SEC31A: variants seen among roughly 807,000 people sequenced by gnomAD.
SEC31A encodes the protein SEC31 homolog A, COPII component.
In SEC31A, 70 loss-of-function variants were observed where a neutral mutation model predicts 151.0. The ratio of observed to expected loss-of-function variants is 0.46; its 90% CI spans 0.38 to 0.57. The LOEUF is 0.57. Ranked by LOEUF, SEC31A falls within the 20% of genes least tolerant of loss-of-function variation. The pLI is 0.00. For synonymous variants in SEC31A, 475 were observed against 505.9 expected, an observed-to-expected ratio of 0.94 and a Z score of 0.82; for missense variants, 1,330 against 1,471.2, an observed-to-expected ratio of 0.90 and a Z score of 1.57.
chr4:82,898,531 G>A (rs1720158598), intron 3 of SEC31A, among the ~76,000 whole-genome samples: 1 of 152,198 alleles, frequency 6.6e-6, no homozygotes, highest in African/African-American at 2.4e-5. Context: ...AATAATGTAG[G>A]AAGCACACTA....
intron 8 of SEC31A, among the ~76,000 whole-genome samples, chr4:82,868,413 A>T (rs1735868218): frequency 6.6e-6 from 1 of 152,024 alleles, no homozygotes; most frequent in South Asian, 2.1e-4. Flanking sequence ...AGGTGGGAGG[A>T]CTGATGGAGC....
chr4:82,887,154 T>C (rs1740916556), intron 1 of SEC31A, among the ~76,000 whole-genome samples: 1 of 152,134 alleles, frequency 6.6e-6, no homozygotes, highest in South Asian at 2.1e-4. Flanking sequence ...TTCAGAATAA[T>C]TTCTAAAAGT....
chr4:82,868,093 C>A (rs1038855253), intron 8 of SEC31A, among the ~76,000 whole-genome samples: 2 of 152,158 alleles, frequency 1.3e-5, no homozygotes, highest in African/African-American at 2.4e-5. Flanking sequence ...CTTTTAATCA[C>A]GAGAGAAAAC....
intron 1 of SEC31A, among the ~76,000 whole-genome samples, chr4:82,885,322 T>A (rs1740433969): frequency 6.6e-6 from 1 of 152,216 alleles, no homozygotes; most frequent in African/African-American, 2.4e-5. Context: ...CTTTGGGTAA[T>A]AATTTTTAAA....
Position 82,863,066 on chromosome 4 carries a change from T to C in SEC31A, c.1509+252A>G, listed in dbSNP as rs1734539015. The stretch of plus-strand genomic sequence containing the variant: ...CAACCTGCAATGCTATAGAAAACTC[T>C]AGCCATTTCCAAAGAATGATGAAAG... On this transcript the variant is annotated intron_variant, in intron 12 of 26. Coordinates refer to ENST00000395310, the MANE Select transcript of SEC31A (RefSeq NM_001077207.4). 38 of 407,022 alleles carry C rather than the reference T, an allele frequency of 9.3e-5. No individual in the cohort carries two copies. In the South Asian group the frequency reaches 1.2e-3, roughly 13 times the overall value. 25.2% of individuals were successfully genotyped at this position (407,022 alleles called of 1,614,324 possible).
intron 2 of SEC31A, chr4:82,899,993 A>G (rs1337280993): frequency 6.6e-6 from 1 of 152,286 alleles, no homozygotes; most frequent in Non-Finnish European, 1.5e-5. Context: ...AAAGCTATTC[A>G]TAATGCCTCA....
chr4:82,900,521 C>G (rs1720273718), exon 1 of SEC31A: 4 of 489,298 alleles, frequency 8.2e-6, no homozygotes. Context: ...CCGGTTGCAG[C>G]AAAACCCACT....
chr4:82,867,281 G>A lies in SEC31A; in HGVS notation c.918C>T (p.Cys306=). ...LYELPTNTQW[C]FDIQWCPRNP... is the part of the protein sequence containing the mutation. ...TTCGGGGACACCACTGAATATCGAA[G>A]CACCACTGTGTGTTGGTGGGAAGTT... Residue 306 remains cysteine (C), a synonymous_variant, in exon 9 of 27, where the codon TGC becomes TGT. Coordinates refer to ENST00000395310, the MANE Select transcript of SEC31A (RefSeq NM_001077207.4). 3.1e-6 allele frequency: 5 copies of A among 1,614,146 alleles called. No individual in the cohort carries two copies. Among genetic ancestry groups the A allele is most frequent in the Non-Finnish European group, 4.2e-6 (5 of 1,180,000 alleles).
intron 10 of SEC31A, among the ~76,000 whole-genome samples, chr4:82,866,052 G>A: frequency 6.8e-6 from 1 of 148,060 alleles, no homozygotes; most frequent in Admixed American, 6.8e-5. Context: ...AGAAGAGGGA[G>A]GACACTCCCT....
At chr4:82,850,855 C>T (rs574221075) in intron 19 of SEC31A, among the ~76,000 whole-genome samples, 2 of 152,260 alleles carry the variant, frequency 1.3e-5, no homozygotes, top group Admixed American at 1.3e-4. Context: ...CCATTCTATA[C>T]CCACTTGTTG....
Position 82,874,659 on chromosome 4 carries a change from A to T in SEC31A, c.591T>A (p.Asp197Glu), listed in dbSNP as rs1389768027. ...ASPSGRATVW[D>E]LRKNEPIIKV... ...TGATGATTGGCTCATTTTTTCTAAG[A>T]TCCCATACAGTGGCCCGGCCACTGG... The change falls in exon 6 of 27, where the codon GAT becomes GAA. Residue 197 changes from aspartate to glutamate, a missense_variant. By Grantham distance (45) the Asp-to-Glu change is conservative. Coordinates refer to ENST00000395310, the MANE Select transcript of SEC31A (RefSeq NM_001077207.4). 2.5e-6 allele frequency: 4 copies of T among 1,612,692 alleles called. No individual in the cohort carries two copies. The Admixed American group carries it at 5.1e-5, about 20-fold the overall frequency.
chr4:82,853,872 C>T (rs373035557), intron 17 of SEC31A, among the ~76,000 whole-genome samples, 157 bp from the exon 18 acceptor site: 110 of 152,212 alleles, frequency 7.2e-4, no homozygotes, highest in Non-Finnish European at 1.3e-3. Context: ...AGTAAATATG[C>T]ATTTGTTAAA....
intron 1 of SEC31A, chr4:82,890,597 G>T (rs1463632935): frequency 1.6e-5 from 5 of 309,038 alleles, no homozygotes; most frequent in Non-Finnish European, 2.4e-5. Context: ...GGCTACCACC[G>T]TCCTTAAAAT....
chr4:82,875,699 A>G (rs762542896), intron 5 of SEC31A, 28 bp downstream of exon 5: 115 of 1,398,574 alleles, frequency 8.2e-5, no homozygotes, highest in Non-Finnish European at 1.1e-4. Context: ...TTTTTTGATT[A>G]CAATGATCAA....
At chr4:82,819,457 A>C (rs1050666119) in intron 26 of SEC31A, among the ~76,000 whole-genome samples, 3 of 152,232 alleles carry the variant, frequency 2.0e-5, no homozygotes, top group African/African-American at 7.2e-5. Flanking sequence ...TTACATAAAT[A>C]AGTTATTTAT....
In SEC31A at chr4:82,833,939, T is replaced by C. The variant is rs191064483; in HGVS notation, c.2969-4881A>G. Among the ~76,000 whole-genome samples the C allele has an allele frequency of 1.8e-4, 28 of 152,322 alleles. No individual in the cohort carries two copies. In the East Asian group the frequency reaches 5.2e-3, roughly 28 times the overall value. ...GGTAATCCCACAGTTTGAAATCTCA[T>C]TGTGTAGAGTGCAATTCTAATGTTT... On this transcript the variant is annotated intron_variant, in intron 22 of 26. Transcript: ENST00000395310.
chr4:82,848,420 T>C (rs367855862), intron 20 of SEC31A, among the ~76,000 whole-genome samples: 1 of 151,956 alleles, frequency 6.6e-6, no homozygotes, highest in South Asian at 2.1e-4. Context: ...AAAAATACTA[T>C]CTTCTAAAAA....
chr4:82,871,167 C>A (rs1180712224), intron 7 of SEC31A, among the ~76,000 whole-genome samples: 1 of 152,176 alleles, frequency 6.6e-6, no homozygotes, highest in East Asian at 1.9e-4. Context: ...ATCAGCAAGA[C>A]CCCATCTCAA....
chr4:82,888,385 C>CAT (rs773097915), intron 1 of SEC31A, among the ~76,000 whole-genome samples: 3 of 122,440 alleles, frequency 2.5e-5, no homozygotes, highest in Admixed American at 1.6e-4. Context: ...ACACAAAAAA[C>CAT]ATATATATAT....
Sources: gnomAD v4.1 joint callset for allele counts (sites outside exome capture counted in the v4.1 genomes callset) on GRCh38, gnomAD v4.1.1 for gene constraint, MANE v1.5 for transcripts, NCBI Gene and HGNC (gene_info 2026-07-23, HGNC 2026-07-21) for gene names.